The following TRDN variants were observed in gnomAD, a reference collection of about 807,000 sequenced individuals.
The protein encoded by TRDN is triadin in skeletal muscle.
In TRDN, 161 loss-of-function variants were observed where a neutral mutation model predicts 149.7. That is an observed-to-expected ratio of 1.08 (90% CI 0.95 to 1.23). The LOEUF (loss-of-function observed/expected upper bound fraction) is 1.23, where lower values mean the gene tolerates loss of function less well. Among genes scored for constraint, TRDN ranks in the 50% most tolerant of loss-of-function variants. The pLI is 0.00. For synonymous variants in TRDN, 294 were observed against 250.5 expected, an observed-to-expected ratio of 1.17 and a Z score of -1.64; for missense variants, 896 against 823.5, an observed-to-expected ratio of 1.09 and a Z score of -1.08.
intron 10 of TRDN, among the ~76,000 whole-genome samples, chr6:123,448,021 G>C (rs1018351324): frequency 6.6e-6 from 1 of 152,160 alleles, no homozygotes; most frequent in Non-Finnish European, 1.5e-5. Flanking sequence ...ACTTTATCAG[G>C]AGCTGAGTCA....
intron 12 of TRDN, among the ~76,000 whole-genome samples, chr6:123,410,105 AG>A (rs1773369559): frequency 6.6e-6 from 1 of 152,216 alleles, no homozygotes; most frequent in Non-Finnish European, 1.5e-5. Context: ...AAGCTTTGGC[AG>A]GTTTAAGTGG....
At chr6:123,535,018 G>A (rs1317194691) in intron 4 of TRDN, among the ~76,000 whole-genome samples, 1 of 152,142 alleles carries the variant, frequency 6.6e-6, no homozygotes, top group East Asian at 1.9e-4. Context: ...GGAATCATAA[G>A]CCATATTTGT....
At chr6:123,275,964 G>A (rs1270893079) in intron 26 of TRDN, among the ~76,000 whole-genome samples, 1 of 152,134 alleles carries the variant, frequency 6.6e-6, no homozygotes, top group Non-Finnish European at 1.5e-5. Flanking sequence ...TTGGTCTCTG[G>A]TTTGGAGATA....
intron 7 of TRDN, among the ~76,000 whole-genome samples, chr6:123,507,065 C>G (rs1030998216): frequency 6.6e-6 from 1 of 151,954 alleles, no homozygotes; most frequent in Admixed American, 6.6e-5. Context: ...AGTAAATATT[C>G]CACTATACTC....
At chr6:123,546,898 G>A (rs932277281) in intron 4 of TRDN, among the ~76,000 whole-genome samples, 11 of 151,958 alleles carry the variant, frequency 7.2e-5, no homozygotes, top group African/African-American at 7.3e-5. Flanking sequence ...GTCCCTCACC[G>A]TCTTGTTGTC....
intron 38 of TRDN, among the ~76,000 whole-genome samples, chr6:123,240,976 G>A (rs1287986354): frequency 4.0e-5 from 6 of 151,732 alleles, no homozygotes; most frequent in Non-Finnish European, 8.9e-5. Flanking sequence ...ATGTAAAAAA[G>A]GAAAGCAAAG....
At chr6:123,331,168 G>C (rs1034088399) in intron 23 of TRDN, among the ~76,000 whole-genome samples, 1 of 152,030 alleles carries the variant, frequency 6.6e-6, no homozygotes, top group African/African-American at 2.4e-5. Context: ...ACTTGGATTA[G>C]TTAGAAATTT....
chr6:123,249,183 G>A (rs1754371613), intron 38 of TRDN, among the ~76,000 whole-genome samples: 1 of 151,986 alleles, frequency 6.6e-6, no homozygotes, highest in Non-Finnish European at 1.5e-5. Context: ...ACAAACATAT[G>A]AAAACATGCT....
intron 16 of TRDN, among the ~76,000 whole-genome samples, chr6:123,379,238 G>A (rs995854703): frequency 2.0e-5 from 3 of 152,080 alleles, no homozygotes; most frequent in Admixed American, 2.0e-4. Flanking sequence ...AATTTCCCAA[G>A]TATACAATTT....
chr6:123,269,185 T>C (rs1777120591), intron 31 of TRDN, among the ~76,000 whole-genome samples: 1 of 152,010 alleles, frequency 6.6e-6, no homozygotes, highest in African/African-American at 2.4e-5. Flanking sequence ...ATTTATGCCT[T>C]CCTGAGTCCA....
At chr6:123,330,922 C>T (rs1013329487) in intron 23 of TRDN, among the ~76,000 whole-genome samples, 20 of 151,930 alleles carry the variant, frequency 1.3e-4, no homozygotes, top group Admixed American at 1.2e-3. Context: ...CTTCTCTTAT[C>T]AATAAAAAAA....
intron 12 of TRDN, among the ~76,000 whole-genome samples, chr6:123,422,803 C>T (rs544020230): frequency 1.3e-5 from 2 of 152,188 alleles, no homozygotes; most frequent in South Asian, 4.1e-4. Flanking sequence ...AGGTTAAATT[C>T]TAGATTGCAA....
chr6:123,481,991 T>C (rs575080304), intron 9 of TRDN, among the ~76,000 whole-genome samples: 2 of 152,216 alleles, frequency 1.3e-5, no homozygotes, highest in Non-Finnish European at 1.5e-5. Context: ...ACTATTTCCA[T>C]ACTACTTGAT....
chr6:123,559,681 C>T (rs1781873807), intron 2 of TRDN, among the ~76,000 whole-genome samples: 1 of 152,154 alleles, frequency 6.6e-6, no homozygotes, highest in Non-Finnish European at 1.5e-5. Context: ...TACAGCATGG[C>T]TTTTAAAGCC....
chr6:123,509,174 GTGTGTA>G lies in TRDN; in HGVS notation c.610+3123_610+3128del, dbSNP rs1376242331. 5.3e-5 allele frequency among the ~76,000 whole-genome samples: 8 copies of G among 151,952 alleles called. No individual in the cohort carries two copies. The South Asian group carries it at 6.2e-4, about 12-fold the overall frequency. On this transcript the variant is annotated intron_variant, in intron 7 of 40. Coordinates refer to ENST00000334268, the MANE Select transcript of TRDN (RefSeq NM_006073.4). ...TACACACATATATATGTATGTTTGTGTGTGTATGTGTATGTGTGTGTGTGCACCTCC... is the reference window on the plus strand; with the variant it reads ...TACACACATATATATGTATGTTTGTGTGTGTATGTGTGTGTGTGCACCTCC...
At chr6:123,424,709 T>C (rs1017910636) in intron 12 of TRDN, among the ~76,000 whole-genome samples, 3 of 152,198 alleles carry the variant, frequency 2.0e-5, no homozygotes, top group Non-Finnish European at 2.9e-5. Flanking sequence ...CCTCAGTTAA[T>C]GGCTTTGCTG....
chr6:123,358,773 G>A (rs1157403545), intron 20 of TRDN, among the ~76,000 whole-genome samples: 2 of 152,150 alleles, frequency 1.3e-5, no homozygotes, highest in South Asian at 2.1e-4. Flanking sequence ...GTGAGCCACC[G>A]CGCCCAGCCT....
intron 38 of TRDN, among the ~76,000 whole-genome samples, chr6:123,228,529 T>C (rs1775473480): frequency 6.6e-6 from 1 of 151,888 alleles, no homozygotes; most frequent in Non-Finnish European, 1.5e-5. Flanking sequence ...GACAAACCCT[T>C]TATAAAACCC....
chr6:123,428,190 T>A (rs1295917876), intron 12 of TRDN, among the ~76,000 whole-genome samples: 1 of 152,178 alleles, frequency 6.6e-6, no homozygotes, highest in Non-Finnish European at 1.5e-5. Context: ...TTTATGTAAT[T>A]TCTCTGCTGG....
Sources: allele counts gnomAD v4.1 joint callset (sites outside exome capture counted in the v4.1 genomes callset), GRCh38; gene constraint gnomAD v4.1.1; transcripts MANE v1.5; gene names NCBI Gene and HGNC (gene_info 2026-07-23, HGNC 2026-07-21).